Variants in PCMTD1 observed in about 807,000 individuals in gnomAD.
The protein encoded by PCMTD1 is protein-L-isoaspartate O-methyltransferase domain-containing protein 1.
A neutral mutation model predicts 37.6 loss-of-function variants in PCMTD1; 12 were observed. The ratio of observed to expected loss-of-function variants is 0.32; its 90% CI spans 0.20 to 0.52. The LOEUF is 0.52. PCMTD1 is among the 20% of genes least tolerant of loss of function. The probability of loss-of-function intolerance (pLI) is 0.97; values close to 1 mark genes in which losing one functional copy is unlikely to be tolerated. For missense variants in PCMTD1, 235 were observed against 421.3 expected (o/e 0.56, Z 3.87); for synonymous variants, 117 against 135.8 (o/e 0.86, Z 0.96).
At chr8:51,887,052 T>C (rs1157897756) in intron 1 of PCMTD1, among the ~76,000 whole-genome samples, 2 of 152,122 alleles carry the variant, frequency 1.3e-5, no homozygotes, top group Non-Finnish European at 2.9e-5. Flanking sequence ...GCTGTCTCTC[T>C]GGTTCTCTCG....
intron 1 of PCMTD1, among the ~76,000 whole-genome samples, chr8:51,888,904 A>G (rs2038900542): frequency 6.6e-6 from 1 of 152,176 alleles, no homozygotes; most frequent in Non-Finnish European, 1.5e-5. Flanking sequence ...TCAGAGACCA[A>G]CACACACAGT....
intron 4 of PCMTD1, among the ~76,000 whole-genome samples, chr8:51,832,973 G>A (rs56150121): frequency 0.014 from 2,111 of 152,258 alleles, 31 homozygotes; most frequent in Middle Eastern, 0.044. Context: ...AGCCTTCTGA[G>A]TAGCTGAGAC....
chr8:51,859,301 C>T (rs2038437842), intron 2 of PCMTD1, among the ~76,000 whole-genome samples: 1 of 151,986 alleles, frequency 6.6e-6, no homozygotes, highest in Non-Finnish European at 1.5e-5. Context: ...CAGACTGTCT[C>T]AAACCCTAGA....
At chr8:51,879,690 G>A (rs753639353) in intron 1 of PCMTD1, among the ~76,000 whole-genome samples, 13 of 152,012 alleles carry the variant, frequency 8.6e-5, no homozygotes, top group African/African-American at 1.2e-4. Context: ...CTCATTTCAG[G>A]TAGAGAAGAC....
chr8:51,883,271 T>C (rs2038818860), intron 1 of PCMTD1, among the ~76,000 whole-genome samples: 1 of 152,302 alleles, frequency 6.6e-6, no homozygotes, highest in South Asian at 2.1e-4. Context: ...TTATAAAGTA[T>C]TTAAACTTGT....
chr8:51,865,782 T>C (rs2038546059), intron 1 of PCMTD1, among the ~76,000 whole-genome samples: 1 of 151,884 alleles, frequency 6.6e-6, no homozygotes, highest in Non-Finnish European at 1.5e-5. Flanking sequence ...TCTTAACTAC[T>C]TCTATTCAAC....
At chr8:51,875,556 A>G (rs1037705197) in intron 1 of PCMTD1, among the ~76,000 whole-genome samples, 1 of 152,250 alleles carries the variant, frequency 6.6e-6, no homozygotes, top group Non-Finnish European at 1.5e-5. Flanking sequence ...TCATAATTTC[A>G]TATCAAGTTG....
At chr8:51,822,555 T>A (rs2037863956) in intron 5 of PCMTD1, among the ~76,000 whole-genome samples, 3 of 152,180 alleles carry the variant, frequency 2.0e-5, no homozygotes, top group African/African-American at 7.2e-5. Context: ...GAGATAATAA[T>A]AACTACAATG....
chr8:51,884,696 TAGAC>T (rs1308353362), intron 1 of PCMTD1, among the ~76,000 whole-genome samples: 1 of 152,192 alleles, frequency 6.6e-6, no homozygotes. Context: ...TGCAGGACAA[TAGAC>T]AGCTTTCCCC....
intron 1 of PCMTD1, among the ~76,000 whole-genome samples, chr8:51,879,882 T>C (rs1006879903): frequency 2.6e-5 from 4 of 152,164 alleles, no homozygotes; most frequent in Non-Finnish European, 1.5e-5. Flanking sequence ...ATTTTTAATT[T>C]TTTTAATAAA....
chr8:51,887,769 G>A (rs1458532069), intron 1 of PCMTD1, among the ~76,000 whole-genome samples: 1 of 138,344 alleles, frequency 7.2e-6, no homozygotes, highest in Non-Finnish European at 1.5e-5. Flanking sequence ...TTGAGACAGA[G>A]TCTTGCTCTG....
chr8:51,831,696 G>T, intron 4 of PCMTD1, 129 bp from the exon 5 acceptor site: 2 of 830,900 alleles, frequency 2.4e-6, no homozygotes, highest in Non-Finnish European at 3.5e-6. Flanking sequence ...ATGTAAATGT[G>T]ACCAAATTAA....
Position 51,851,920 on chromosome 8 carries a change from G to A in PCMTD1, c.308-6157C>T, listed in dbSNP as rs550426267. Among the ~76,000 whole-genome samples the A allele has an allele frequency of 5.9e-5, 9 of 152,252 alleles. No individual in the cohort carries two copies. In the South Asian group the frequency reaches 1.2e-3, roughly 21 times the overall value. Reference sequence around the variant, plus strand: ...CCGCCTCAGCCTCCCAAAGTGCTGGGATTACAGGCATGAGACACCACCCCT... The same window carrying A: ...CCGCCTCAGCCTCCCAAAGTGCTGGAATTACAGGCATGAGACACCACCCCT... On this transcript the variant is annotated intron_variant, in intron 2 of 5. Transcript: ENST00000522514.
Position 51,861,220 on chromosome 8 carries a change from C to T in PCMTD1, c.-69G>A, listed in dbSNP as rs985002118. On this transcript the variant is annotated 5_prime_UTR_variant, in exon 2 of 6. Transcript: ENST00000522514. ...TTAGTAGAAATGGCTTCCAATATTG[C>T]ACTTGATTTCCAAAAATAAATTAAT... 5.4e-6 allele frequency: 8 copies of T among 1,477,122 alleles called. No individual in the cohort carries two copies. The Admixed American group carries it at 9.4e-5, about 17-fold the overall frequency. The allele number at this position is 1,477,122 out of a possible 1,614,324, so 91.5% of individuals were successfully genotyped here.
At chr8:51,828,961 T>C (rs1317338672) in intron 5 of PCMTD1, among the ~76,000 whole-genome samples, 2 of 152,238 alleles carry the variant, frequency 1.3e-5, no homozygotes. Context: ...ATTCTTATTT[T>C]ACCTTTCATT....
chr8:51,859,444 T>C (rs2038439898), intron 2 of PCMTD1, among the ~76,000 whole-genome samples: 1 of 152,160 alleles, frequency 6.6e-6, no homozygotes. Context: ...TCTTTATCGA[T>C]GAAAATTAAT....
rs946625745 is a variant in PCMTD1, at chr8:51,818,159, G to C, written c.*2192C>G. On this transcript the variant is annotated 3_prime_UTR_variant, in exon 6 of 6. Transcript: ENST00000522514. Reference sequence around the variant, plus strand: ...TGCATTAATAGATAAAAAGGCTTTAGCTTTAATTTTCATTTTTCATTTCTA... The same window carrying C: ...TGCATTAATAGATAAAAAGGCTTTACCTTTAATTTTCATTTTTCATTTCTA... 1 of 308,132 alleles carries C rather than the reference G, an allele frequency of 3.2e-6. No individual in the cohort carries two copies. Among genetic ancestry groups the C allele is most frequent in the East Asian group, 9.3e-5 (1 of 10,744 alleles). 19.1% of individuals were successfully genotyped at this position (308,132 alleles called of 1,614,324 possible). A position where few individuals can be genotyped will look rare whatever the true frequency, so the allele number is the denominator to read the frequency against.
intron 3 of PCMTD1, among the ~76,000 whole-genome samples, chr8:51,843,618 G>T (rs1259125177): frequency 6.6e-6 from 1 of 151,246 alleles, no homozygotes; most frequent in Non-Finnish European, 1.5e-5. Flanking sequence ...AACAATTTGA[G>T]AATTTTTAAA....
At chr8:51,845,526 T>C (rs2038204817) in intron 3 of PCMTD1, 135 bp downstream of exon 3, 1 of 550,512 alleles carries the variant, frequency 1.8e-6, no homozygotes. Flanking sequence ...TCTTAACTTT[T>C]TCTCATTTTA....
Sources: allele counts gnomAD v4.1 joint callset (sites outside exome capture counted in the v4.1 genomes callset), GRCh38; gene constraint gnomAD v4.1.1; transcripts MANE v1.5; gene names NCBI Gene and HGNC (gene_info 2026-07-23, HGNC 2026-07-21).